SORL1: variants seen among roughly 807,000 people sequenced by gnomAD.
SORL1 encodes sortilin-related receptor.
Under a neutral mutation model 273.7 loss-of-function variants are expected in SORL1, and 127 were observed. That is an observed-to-expected ratio of 0.46 (90% confidence interval 0.40 to 0.54). SORL1 has a LOEUF of 0.54. Among genes scored for constraint, SORL1 ranks in the 20% least tolerant of loss-of-function variants. The pLI is 0.00. For synonymous variants in SORL1, 1,031 were observed against 1,067.4 expected (o/e 0.97, Z 0.66); for missense variants, 2,494 against 2,846.1 (o/e 0.88, Z 2.81).
At chr11:121,610,169 G>A (rs1424066073) in intron 38 of SORL1, 1 of 152,062 alleles carries the variant, frequency 6.6e-6, no homozygotes, top group East Asian at 1.9e-4. Flanking sequence ...CTATAGAAGG[G>A]GCATATGTGT....
At chr11:121,594,367 A>G (rs939299792) in intron 31 of SORL1, among the ~76,000 whole-genome samples, 1 of 151,960 alleles carries the variant, frequency 6.6e-6, no homozygotes. Flanking sequence ...CTTGTCATTC[A>G]TATATTGTCT....
Position 121,557,276 on chromosome 11 carries a change from C to T in SORL1, c.2572-38C>T, listed in dbSNP as rs12283336. ...GGCAATGGGGGTCTTTAAGGAGCTC[C>T]GATCCATCTCAGCCTCTTTTCCCCC... On this transcript the variant is annotated intron_variant, in intron 18 of 47. Transcript: ENST00000260197. The T allele has an allele frequency of 5.7e-3, 8,302 of 1,468,798 alleles. 355 individuals carry two copies. The African/African-American group carries it at 0.096, about 17-fold the overall frequency. 91.0% of individuals were successfully genotyped at this position (1,468,798 alleles called of 1,614,324 possible).
chr11:121,622,089 CTT>C, intron 44 of SORL1, 71 bp from the exon 45 acceptor site: 2 of 881,958 alleles, frequency 2.3e-6, no homozygotes, highest in Non-Finnish European at 3.7e-6. Context: ...TTTAATCTCT[CTT>C]TGATAGACAA....
intron 26 of SORL1, among the ~76,000 whole-genome samples, chr11:121,585,540 T>C (rs1048887071): frequency 3.2e-4 from 39 of 122,722 alleles, no homozygotes; most frequent in Non-Finnish European, 1.2e-4. Context: ...CACACACACT[T>C]ATCAAAATGG....
At chr11:121,558,865 T>A in intron 20 of SORL1, 28 bp downstream of exon 20, 7 of 1,613,078 alleles carry the variant, frequency 4.3e-6, no homozygotes, top group Non-Finnish European at 5.9e-6. Context: ...TGCCGGACAG[T>A]CTGCTAGAGC....
At chr11:121,508,495 G>A (rs977160448) in intron 6 of SORL1, among the ~76,000 whole-genome samples, 73 of 152,288 alleles carry the variant, frequency 4.8e-4, no homozygotes, top group African/African-American at 1.8e-3. Context: ...TGGCTATAAG[G>A]CTGTCTATAT....
In SORL1 at chr11:121,590,098, C is replaced by T; in HGVS notation, c.4137C>T (p.Gly1379=). Reference sequence around the variant, plus strand: ...ACTTCCAGTTTCGGTGTGAGAATGGCCACTGCATCCCCAACAGATGGAAAT... The same window carrying T: ...ACTTCCAGTTTCGGTGTGAGAATGGTCACTGCATCCCCAACAGATGGAAAT... ...SRYFQFRCEN[G]HCIPNRWKCD... The change falls in exon 30 of 48, where the codon GGC becomes GGT. Residue 1379 remains glycine (G), a synonymous_variant. Transcript: ENST00000260197. 4 of 1,614,058 alleles carry T rather than the reference C, an allele frequency of 2.5e-6. No homozygotes were observed. The highest frequency in any genetic ancestry group is 3.4e-6 in the Non-Finnish European group (4 of 1,179,954).
chr11:121,616,701 T>C (rs1047983049), intron 41 of SORL1, among the ~76,000 whole-genome samples: 1 of 152,248 alleles, frequency 6.6e-6, no homozygotes, highest in African/African-American at 2.4e-5. Context: ...TGTTTCTCTG[T>C]CTGTGTTCTC....
chr11:121,604,700 C>G (rs186992655), intron 33 of SORL1, among the ~76,000 whole-genome samples: 20 of 152,152 alleles, frequency 1.3e-4, no homozygotes, highest in Admixed American at 1.2e-3. Flanking sequence ...GTAGCATTCT[C>G]TATGGAGAAA....
intron 2 of SORL1, among the ~76,000 whole-genome samples, chr11:121,474,545 G>T (rs980845378): frequency 6.6e-6 from 1 of 152,160 alleles, no homozygotes; most frequent in Non-Finnish European, 1.5e-5. Context: ...GACCATCTTT[G>T]TAGGTAAAAA....
At chr11:121,516,307 A>G (rs534321436) in intron 8 of SORL1, among the ~76,000 whole-genome samples, 1 of 152,308 alleles carries the variant, frequency 6.6e-6, no homozygotes, top group South Asian at 2.1e-4. Context: ...GACCCTAAAT[A>G]TATTTTGAAA....
At chr11:121,483,226 C>G (rs530702976) in intron 3 of SORL1, among the ~76,000 whole-genome samples, 1 of 152,194 alleles carries the variant, frequency 6.6e-6, no homozygotes, top group Admixed American at 6.5e-5. Context: ...GCTGTGACTA[C>G]GGGCCAGCGC....
chr11:121,523,117 A>G, intron 11 of SORL1, 128 bp downstream of exon 11: 3 of 675,362 alleles, frequency 4.4e-6, no homozygotes, highest in Non-Finnish European at 8.0e-6. Context: ...AGATATGACT[A>G]TAAAGTAAAG....
intron 22 of SORL1, among the ~76,000 whole-genome samples, chr11:121,568,524 T>G (rs1862785481): frequency 6.6e-6 from 1 of 152,214 alleles, no homozygotes; most frequent in Non-Finnish European, 1.5e-5. Flanking sequence ...TGTAAGGAAT[T>G]TTAATTGCTT....
intron 27 of SORL1, among the ~76,000 whole-genome samples, chr11:121,586,694 G>T (rs1450391107): frequency 6.3e-4 from 2 of 3,180 alleles, no homozygotes; most frequent in South Asian, 0.013. Context: ...GGGGTAGAGT[G>T]GGGGGGGGGG....
At chr11:121,525,098 G>T (rs1158009702) in intron 11 of SORL1, among the ~76,000 whole-genome samples, 1 of 152,144 alleles carries the variant, frequency 6.6e-6, no homozygotes, top group Non-Finnish European at 1.5e-5. Flanking sequence ...AGGTATCTTT[G>T]TGCCCCTCGG....
chr11:121,558,542 C>T, intron 19 of SORL1, 49 bp from the exon 20 acceptor site: 4 of 1,601,694 alleles, frequency 2.5e-6, no homozygotes, highest in Non-Finnish European at 2.6e-6. Context: ...TTTGAGCTCC[C>T]ATTTCTCTAG....
At chr11:121,617,342 T>C (rs1863657068) in intron 41 of SORL1, among the ~76,000 whole-genome samples, 1 of 152,228 alleles carries the variant, frequency 6.6e-6, no homozygotes, top group Non-Finnish European at 1.5e-5. Context: ...GTAAAATATT[T>C]TGATTTTCTT....
In SORL1 at chr11:121,550,142, G is replaced by C. The variant is rs542023444; in HGVS notation, c.2180+54G>C. On this transcript the variant is annotated intron_variant, in intron 15 of 47. Transcript: ENST00000260197. This position sits in a 1 kb window ranked among gnomAD's most constrained non-coding sequence, Gnocchi z 5.3. ...GTTCTCAGCGGTCCGCACATGGAGCGAGAGAGCATAGAGGACCGTCTGGAT... is the reference window on the plus strand; with the variant it reads ...GTTCTCAGCGGTCCGCACATGGAGCCAGAGAGCATAGAGGACCGTCTGGAT... The C allele has an allele frequency of 6.4e-7, 1 of 1,571,836 alleles. No homozygotes were observed. Among genetic ancestry groups the C allele is most frequent in the African/African-American group, 1.4e-5 (1 of 73,452 alleles).
Sources: gnomAD v4.1 joint callset for allele counts (sites outside exome capture counted in the v4.1 genomes callset) on GRCh38, gnomAD v4.1.1 for gene constraint, Gnocchi (gnomAD v3.1) non-coding constraint, MANE v1.5 for transcripts, NCBI Gene and HGNC (gene_info 2026-07-23, HGNC 2026-07-21) for gene names.